The following VPS13A variants were observed in gnomAD, a reference collection of about 807,000 sequenced individuals.
The protein encoded by VPS13A is vacuolar protein sorting 13 homolog A.
A neutral mutation model predicts 390.9 loss-of-function variants in VPS13A; 264 were observed. The observed-to-expected ratio is 0.68, with a 90% CI of 0.61 to 0.75. The LOEUF is 0.75. Among genes scored for constraint, VPS13A ranks in the 30% least tolerant of loss-of-function variants. The pLI, the probability that VPS13A is intolerant of heterozygous loss-of-function variation, is 0.00. For missense variants in VPS13A, 3,409 were observed against 3,733.9 expected, an observed-to-expected ratio of 0.91 and a Z score of 2.27; for synonymous variants, 1,231 against 1,227.1, an observed-to-expected ratio of 1.00 and a Z score of -0.07.
intron 45 of VPS13A, among the ~76,000 whole-genome samples, chr9:77,327,135 C>T (rs1431750664): frequency 6.6e-6 from 1 of 152,056 alleles, no homozygotes; most frequent in Admixed American, 6.6e-5. Flanking sequence ...TTTTGTTTTT[C>T]CCTTGTGCCG....
chr9:77,343,855 A>G (rs1345960438), intron 50 of VPS13A, among the ~76,000 whole-genome samples: 1 of 152,018 alleles, frequency 6.6e-6, no homozygotes, highest in African/African-American at 2.4e-5. Flanking sequence ...TTTCTTGCTG[A>G]TTTTTCAACC....
chr9:77,225,263 A>G (rs1587366149), intron 13 of VPS13A, among the ~76,000 whole-genome samples: 1 of 152,142 alleles, frequency 6.6e-6, no homozygotes, highest in Non-Finnish European at 1.5e-5. Flanking sequence ...ATTTACGATT[A>G]TATATCTTTG....
intron 69 of VPS13A, among the ~76,000 whole-genome samples, 166 bp from the exon 70 acceptor site, chr9:77,405,698 G>A (rs1375044578): frequency 1.3e-5 from 2 of 152,080 alleles, no homozygotes; most frequent in Admixed American, 6.6e-5. Flanking sequence ...TATGATCTGA[G>A]GACACACTTT....
chr9:77,249,791 T>A (rs1825050349), intron 20 of VPS13A, among the ~76,000 whole-genome samples: 1 of 152,236 alleles, frequency 6.6e-6, no homozygotes, highest in Non-Finnish European at 1.5e-5. Flanking sequence ...CTCTTGATCT[T>A]GCTCTTAATC....
intron 1 of VPS13A, among the ~76,000 whole-genome samples, chr9:77,191,000 CTTAT>C (rs1250313579): frequency 1.3e-5 from 2 of 151,426 alleles, no homozygotes; most frequent in East Asian, 1.9e-4. Flanking sequence ...GGCAATCTAT[CTTAT>C]TTATTCTTTC....
chr9:77,358,851 GT>G (rs1324593415), intron 57 of VPS13A, among the ~76,000 whole-genome samples: 4 of 151,952 alleles, frequency 2.6e-5, no homozygotes, highest in African/African-American at 9.7e-5. Flanking sequence ...TGCCTTTCTT[GT>G]TTCCTGCATA....
chr9:77,242,860 G>C (rs1047275323), intron 19 of VPS13A, among the ~76,000 whole-genome samples: 3 of 151,882 alleles, frequency 2.0e-5, no homozygotes, highest in Non-Finnish European at 4.4e-5. Flanking sequence ...GAAGTCTTCA[G>C]TATTTTACCT....
intron 44 of VPS13A, among the ~76,000 whole-genome samples, chr9:77,322,542 T>C (rs1362691502): frequency 6.6e-6 from 1 of 151,918 alleles, no homozygotes; most frequent in East Asian, 1.9e-4. Context: ...TTTACGTCTT[T>C]TTTTTTAACA....
At chr9:77,305,889 C>G (rs1024565754) in intron 34 of VPS13A, among the ~76,000 whole-genome samples, 2 of 152,180 alleles carry the variant, frequency 1.3e-5, no homozygotes, top group African/African-American at 4.8e-5. Context: ...TGCAGATCAG[C>G]AGCCCCAGGA....
chr9:77,331,674 G>T (rs962284789), intron 45 of VPS13A, among the ~76,000 whole-genome samples: 3 of 151,434 alleles, frequency 2.0e-5, no homozygotes, highest in Non-Finnish European at 4.4e-5. Flanking sequence ...TTAAAATTTT[G>T]ATTTTTTTCT....
intron 41 of VPS13A, among the ~76,000 whole-genome samples, chr9:77,318,862 C>T (rs534404542): frequency 1.3e-4 from 19 of 151,982 alleles, no homozygotes; most frequent in Middle Eastern, 3.4e-3. Context: ...ATATATTATT[C>T]GACAGTTGTT....
chr9:77,302,080 C>T (rs1007384678), intron 33 of VPS13A, among the ~76,000 whole-genome samples: 2 of 151,918 alleles, frequency 1.3e-5, no homozygotes, highest in Admixed American at 1.3e-4. Flanking sequence ...GCCTCAGCCT[C>T]TCAAGTAGCT....
chr9:77,320,634 A>T (rs1028187247), intron 42 of VPS13A, among the ~76,000 whole-genome samples: 4 of 152,054 alleles, frequency 2.6e-5, no homozygotes, highest in African/African-American at 9.7e-5. Context: ...GATATTTTAG[A>T]TGAAGGATAT....
At chr9:77,182,434 C>T (rs1160457162) in intron 1 of VPS13A, among the ~76,000 whole-genome samples, 3 of 151,926 alleles carry the variant, frequency 2.0e-5, no homozygotes, top group African/African-American at 7.3e-5. Flanking sequence ...GCATCAGAAT[C>T]AGCCATAGGT....
chr9:77,201,348 A>G lies in VPS13A; in HGVS notation c.145-17A>G. ...ATATCTACTAATGTTTTGTGTATAT[A>G]TAAATTTTTTCTGTAGAGTCAACTG... On this transcript the variant is annotated splice_polypyrimidine_tract_variant and intron_variant, in intron 2 of 71. Coordinates refer to ENST00000360280, the MANE Select transcript of VPS13A (RefSeq NM_033305.3). 1.9e-6 allele frequency: 3 copies of G among 1,572,166 alleles called. No homozygotes were observed. Among genetic ancestry groups the G allele is most frequent in the Non-Finnish European group, 2.6e-6 (3 of 1,142,416 alleles).
In VPS13A at chr9:77,323,161, A is replaced by G; in HGVS notation, c.5925A>G (p.Arg1975=). The stretch of plus-strand genomic sequence containing the variant: ...GACACAGAGAGTCTGGCGTTGAAAG[A>G]TCTATTGTTTGTCAAATTGATACAG... ...TVRHRESGVE[R]SIVCQIDTVE... The change falls in exon 45 of 72, where the codon AGA becomes AGG. Residue 1975 remains arginine, a synonymous_variant. Coordinates refer to ENST00000360280, the MANE Select transcript of VPS13A (RefSeq NM_033305.3). The G allele has an allele frequency of 3.1e-6, 5 of 1,613,610 alleles. No individual in the cohort carries two copies. The highest frequency in any genetic ancestry group is 4.2e-6 in the Non-Finnish European group (5 of 1,179,654).
chr9:77,360,212 GC>G (rs1563958044), intron 58 of VPS13A, among the ~76,000 whole-genome samples: 1 of 151,940 alleles, frequency 6.6e-6, no homozygotes, highest in African/African-American at 2.4e-5. Context: ...GTTGGGACTT[GC>G]TTTTGTTCAT....
At chr9:77,344,356 T>C in intron 51 of VPS13A, 75 bp downstream of exon 51, 1 of 1,476,066 alleles carries the variant, frequency 6.8e-7, no homozygotes, top group Non-Finnish European at 9.3e-7. Context: ...ATTTATTTTT[T>C]GTATCAAATA....
chr9:77,285,740 G>C (rs1827287619), intron 31 of VPS13A, among the ~76,000 whole-genome samples: 1 of 152,110 alleles, frequency 6.6e-6, no homozygotes, highest in Admixed American at 6.5e-5. Context: ...AATATTTTTT[G>C]TGTATAGTTG....
Sources: allele counts gnomAD v4.1 joint callset (sites outside exome capture counted in the v4.1 genomes callset), GRCh38; gene constraint gnomAD v4.1.1; transcripts MANE v1.5; gene names NCBI Gene and HGNC (gene_info 2026-07-23, HGNC 2026-07-21).